Variants in GTF2B observed in about 807,000 individuals in gnomAD.
GTF2B encodes general transcription factor IIB.
A neutral mutation model predicts 34.6 loss-of-function variants in GTF2B; 20 were observed. The observed-to-expected ratio is 0.58, with a 90% CI of 0.41 to 0.84. GTF2B has a LOEUF of 0.84. Among genes scored for constraint, GTF2B ranks in the 40% least tolerant of loss-of-function variants. The pLI is 0.00. For synonymous variants in GTF2B, 142 were observed against 132.4 expected (o/e 1.07, Z -0.50); for missense variants, 237 against 393.3 (o/e 0.60, Z 3.36).
At position 88,853,104 on chromosome 1, in the gene GTF2B, T is replaced by A. The variant is rs542886291; in HGVS notation, c.*109A>T. 2.7e-5 allele frequency: 25 copies of A among 938,586 alleles called. No individual in the cohort carries two copies. The highest frequency in any genetic ancestry group is 4.1e-5 in the Non-Finnish European group (23 of 567,790). 58.1% of individuals were successfully genotyped at this position (938,586 alleles called of 1,614,324 possible). A position where few individuals can be genotyped will look rare whatever the true frequency, so the allele number is the denominator to read the frequency against. On this transcript the variant is annotated 3_prime_UTR_variant, in exon 7 of 7. Transcript: ENST00000370500. ...CAATAGTATTCAGCCCTGGAATGCG[T>A]ACCATGTCTTTTGTTTTTCCTCATG... is the stretch of plus-strand genomic sequence containing the variant.
chr1:88,886,303 A>G (rs1219395734), intron 2 of GTF2B, among the ~76,000 whole-genome samples: 1 of 152,146 alleles, frequency 6.6e-6, no homozygotes, highest in African/African-American at 2.4e-5. Context: ...TAGAATTTTC[A>G]TTCTTAAGTA....
At chr1:88,859,826 A>G in intron 5 of GTF2B, 56 bp downstream of exon 5, 1 of 1,517,398 alleles carries the variant, frequency 6.6e-7, no homozygotes, top group Non-Finnish European at 9.1e-7. Flanking sequence ...ACAAAGTGAG[A>G]CCCTATCTCA....
chr1:88,861,271 C>T (rs1673434794), intron 3 of GTF2B, among the ~76,000 whole-genome samples: 2 of 152,198 alleles, frequency 1.3e-5, no homozygotes, highest in Admixed American at 1.3e-4. Context: ...AATGGAAAGG[C>T]ATTATGAATT....
At chr1:88,864,636 G>A (rs1312112570) in intron 2 of GTF2B, among the ~76,000 whole-genome samples, 3 of 152,180 alleles carry the variant, frequency 2.0e-5, no homozygotes, top group Non-Finnish European at 2.9e-5. Flanking sequence ...TAAACCTCAA[G>A]CCTAGAATCC....
In GTF2B at chr1:88,853,189, G is replaced by A. The variant is rs1321046040; in HGVS notation, c.*24C>T. ...ACAACAGGCAAAGTTTTGTATTCAA[G>A]AATTTGACGTTAGCTGCCTCAATTT... On this transcript the variant is annotated 3_prime_UTR_variant, in exon 7 of 7. Coordinates refer to ENST00000370500, the MANE Select transcript of GTF2B (RefSeq NM_001514.6). 1.2e-6 allele frequency: 2 copies of A among 1,610,942 alleles called. No individual in the cohort carries two copies. Among genetic ancestry groups the A allele is most frequent in the African/African-American group, 1.3e-5 (1 of 74,830 alleles).
chr1:88,863,729 T>C (rs1673492556), intron 3 of GTF2B, among the ~76,000 whole-genome samples: 1 of 152,170 alleles, frequency 6.6e-6, no homozygotes, highest in South Asian at 2.1e-4. Context: ...ATTTTTTGTG[T>C]GTACAGAAAA....
At chr1:88,884,489 T>C (rs1674020324) in intron 2 of GTF2B, among the ~76,000 whole-genome samples, 1 of 152,238 alleles carries the variant, frequency 6.6e-6, no homozygotes, top group African/African-American at 2.4e-5. Context: ...CTTGGTGAGA[T>C]GCTAACAGTC....
intron 2 of GTF2B, among the ~76,000 whole-genome samples, chr1:88,874,014 G>A (rs929128528): frequency 3.3e-5 from 5 of 152,186 alleles, no homozygotes; most frequent in African/African-American, 1.2e-4. Context: ...GAGGAGAAGT[G>A]AGAAAGAATG....
chr1:88,874,506 T>C (rs1673770705), intron 2 of GTF2B, among the ~76,000 whole-genome samples: 3 of 143,730 alleles, frequency 2.1e-5, no homozygotes, highest in Non-Finnish European at 4.6e-5. Context: ...AATTTTTTTT[T>C]TTTTTTTTTT....
chr1:88,860,381 C>G, intron 3 of GTF2B, 95 bp from the exon 4 acceptor site: 1 of 832,508 alleles, frequency 1.2e-6, no homozygotes. Flanking sequence ...TCTGATTCTA[C>G]ATAGACCAGA....
intron 5 of GTF2B, among the ~76,000 whole-genome samples, chr1:88,858,198 A>G (rs1673362436): frequency 6.6e-6 from 1 of 151,424 alleles, no homozygotes; most frequent in Non-Finnish European, 1.5e-5. Flanking sequence ...ATGGGGTTTC[A>G]CCATCTTGGC....
At chr1:88,856,285 A>AAAAAAAAAAAAAAAAAAAAAAG (rs1673309098) in intron 6 of GTF2B, among the ~76,000 whole-genome samples, 1 of 106,224 alleles carries the variant, frequency 9.4e-6, no homozygotes, top group Non-Finnish European at 1.8e-5. Context: ...AAAAAAAAAA[A>AAAAAAAAAAAAAAAAAAAAAAG]AAAAACAAAA....
chr1:88,886,928 T>TA (rs1413093294), intron 2 of GTF2B, among the ~76,000 whole-genome samples: 8 of 151,506 alleles, frequency 5.3e-5, no homozygotes, highest in East Asian at 3.9e-4. Context: ...TTATTATTAT[T>TA]TTTTTTTTGA....
intron 2 of GTF2B, among the ~76,000 whole-genome samples, chr1:88,884,152 G>A (rs1251094169): frequency 6.7e-6 from 1 of 150,368 alleles, no homozygotes; most frequent in African/African-American, 2.5e-5. Flanking sequence ...TCAGCCTCCC[G>A]AGTAAGCTGG....
intron 2 of GTF2B, among the ~76,000 whole-genome samples, chr1:88,878,737 T>C (rs909575245): frequency 1.3e-5 from 2 of 152,220 alleles, no homozygotes; most frequent in African/African-American, 4.8e-5. Context: ...GCATAACCCT[T>C]ACCTACCCAT....
intron 2 of GTF2B, among the ~76,000 whole-genome samples, chr1:88,872,235 C>A (rs1401076972): frequency 6.6e-6 from 1 of 151,788 alleles, no homozygotes; most frequent in African/African-American, 2.4e-5. Flanking sequence ...GGGCGGATCA[C>A]CTGAGGTCAA....
chr1:88,866,926 G>A (rs1283392464), intron 2 of GTF2B, among the ~76,000 whole-genome samples: 3 of 152,166 alleles, frequency 2.0e-5, no homozygotes, highest in East Asian at 1.9e-4. Context: ...GAAACAAGGA[G>A]AAAAGCGTTA....
chr1:88,880,006 C>G (rs1673898435), intron 2 of GTF2B, among the ~76,000 whole-genome samples: 4 of 152,072 alleles, frequency 2.6e-5, no homozygotes, highest in Admixed American at 6.6e-5. Context: ...TTGTAGTGAG[C>G]AGAGATTGTG....
rs758979559 is a variant in GTF2B, at chr1:88,860,194, T to G, written c.351A>C (p.Ala117=). The change falls in exon 4 of 7, where the codon GCA becomes GCC. Residue 117 remains alanine (A), a synonymous_variant. Coordinates refer to ENST00000370500, the MANE Select transcript of GTF2B (RefSeq NM_001514.6). ...CTGCCATGGTAGTGATTTCTTTGAA[T>G]GCATTCATCATTGCCCGATCAGAAC... ...MSSSDRAMMN[A]FKEITTMADR... The G allele has an allele frequency of 3.1e-6, 5 of 1,613,904 alleles. No homozygotes were observed. In the South Asian group the frequency reaches 4.4e-5, roughly 14 times the overall value.
Sources: allele counts gnomAD v4.1 joint callset (sites outside exome capture counted in the v4.1 genomes callset), GRCh38; gene constraint gnomAD v4.1.1; transcripts MANE v1.5; gene names NCBI Gene and HGNC (gene_info 2026-07-23, HGNC 2026-07-21).